AMZ1: variants seen among roughly 807,000 people sequenced by gnomAD.
The protein encoded by AMZ1 is archaemetzincin-1.
AMZ1 carries 39 observed loss-of-function variants against 29.9 expected under a neutral mutation model. That is an observed-to-expected ratio of 1.30 (90% confidence interval 1.01 to 1.70). The LOEUF is 1.70. Ranked by LOEUF, AMZ1 falls within the 40% of genes most tolerant of loss-of-function variation. The pLI is 0.00. For synonymous variants in AMZ1, 458 were observed against 304.0 expected (o/e 1.51, Z -5.27); for missense variants, 1,041 against 680.6 (o/e 1.53, Z -5.89).
At position 2,708,731 on chromosome 7, in the gene AMZ1, C is replaced by G; in HGVS notation, c.601+15C>G. ...TCCAGGGCACGGTGAGCCGGGGCCC[C>G]AGCAGCTGTGCGTGGGGGGTAGCCT... On this transcript the variant is annotated intron_variant, in intron 4 of 6. Coordinates refer to ENST00000683327, the MANE Select transcript of AMZ1 (RefSeq NM_001384743.1). The G allele has an allele frequency of 3.7e-6, 6 of 1,611,992 alleles. No homozygotes were observed. The highest frequency in any genetic ancestry group is 5.1e-6 in the Non-Finnish European group (6 of 1,179,972).
Position 2,737,269 on chromosome 7 carries a change from G to GTTTTTTTT in AMZ1, n.551-27439_551-27438insTTTTTTTT, listed in dbSNP as rs1317020597. 4.1e-3 allele frequency among the ~76,000 whole-genome samples: 155 copies of GTTTTTTTT among 38,120 alleles called. 16 individuals carry two copies. Among genetic ancestry groups the GTTTTTTTT allele is most frequent in the South Asian group, 7.0e-3 (9 of 1,284 alleles). 25.0% of individuals were successfully genotyped at this position (38,120 alleles called of 152,430 possible). A position where few individuals can be genotyped will look rare whatever the true frequency, so the allele number is the denominator to read the frequency against. ...CATTCAGGAGCTATCTCACAGTTTT[G>GTTTTTTTT]TTTTGTTTTTTTTTTTTTTGTTTTT... is the stretch of plus-strand genomic sequence containing the variant. On this transcript the variant is annotated intron_variant and non_coding_transcript_variant, in intron 4 of 4. Transcript: ENST00000489665.
intron 4 of AMZ1, chr7:2,728,399 G>A (rs1789718835): frequency 6.6e-6 from 1 of 152,042 alleles, no homozygotes; most frequent in Middle Eastern, 3.2e-3. Context: ...CAAAGAAGTA[G>A]GAAAATTACA....
At chr7:2,722,493 G>T (rs552636271), downstream of AMZ1, among the ~76,000 whole-genome samples, 2 of 152,082 alleles carry the variant, frequency 1.3e-5, no homozygotes, top group African/African-American at 4.8e-5. Flanking sequence ...GGATGGTGTC[G>T]ATCTCCTGAC....
At chr7:2,755,985 CT>C (rs1426557322) in intron 4 of AMZ1, among the ~76,000 whole-genome samples, 6 of 152,150 alleles carry the variant, frequency 3.9e-5, no homozygotes, top group Middle Eastern at 3.2e-3. Flanking sequence ...TAAAATTTAT[CT>C]CTTCAAAACA....
chr7:2,692,198 C>T (rs1360184608), intron 1 of AMZ1, among the ~76,000 whole-genome samples: 2 of 152,188 alleles, frequency 1.3e-5, no homozygotes. Flanking sequence ...TGGAGGAAGA[C>T]AGGTGGGACC....
At chr7:2,743,308 G>C (rs1188428800) in intron 4 of AMZ1, among the ~76,000 whole-genome samples, 1 of 152,192 alleles carries the variant, frequency 6.6e-6, no homozygotes, top group East Asian at 1.9e-4. Context: ...ATCAACATTA[G>C]ATGGATGAAC....
At chr7:2,749,578 G>A (rs933197998) in intron 4 of AMZ1, among the ~76,000 whole-genome samples, 7 of 151,970 alleles carry the variant, frequency 4.6e-5, no homozygotes, top group Admixed American at 1.3e-4. Flanking sequence ...GAGTTAATGG[G>A]TGCAGCACAC....
chr7:2,743,719 C>T (rs1012251579), intron 4 of AMZ1, among the ~76,000 whole-genome samples: 31 of 152,284 alleles, frequency 2.0e-4, no homozygotes, highest in South Asian at 6.2e-4. Flanking sequence ...CGAAGCAGGG[C>T]GAGGCACTGC....
At chr7:2,685,559 CA>C (rs56989894), upstream of AMZ1, among the ~76,000 whole-genome samples, 30,996 of 118,470 alleles carry the variant, frequency 0.26, 5,481 homozygotes, top group African/African-American at 0.53. Flanking sequence ...GACTCCGTCT[CA>C]AAAAAAAAAA....
At chr7:2,762,974 G>GA (rs1791638761), upstream of AMZ1, 19 of 1,351,934 alleles carry the variant, frequency 1.4e-5, no homozygotes, top group Non-Finnish European at 1.8e-5. Context: ...CTGCTCCTCA[G>GA]AAAGAGCCCT....
chr7:2,692,841 TTCCCCCAATCTCG>T (rs1365815361), intron 1 of AMZ1, among the ~76,000 whole-genome samples: 10 of 152,178 alleles, frequency 6.6e-5, no homozygotes, highest in Admixed American at 6.5e-4. Flanking sequence ...TGTCCCCATC[TTCCCCCAATCTCG>T]TCCCCTGTTC....
At chr7:2,684,879 T>TC, upstream of AMZ1, among the ~76,000 whole-genome samples, 1 of 150,330 alleles carries the variant, frequency 6.7e-6, no homozygotes, top group East Asian at 1.9e-4. Flanking sequence ...TTGCTTTTTT[T>TC]TTTTTTTTTT....
At chr7:2,694,898 C>G (rs181622238) in intron 1 of AMZ1, among the ~76,000 whole-genome samples, 78 of 152,268 alleles carry the variant, frequency 5.1e-4, no homozygotes, top group African/African-American at 1.7e-3. Flanking sequence ...GTCTCGAACT[C>G]CTGACCTCGA....
chr7:2,741,395 G>C (rs1346592905), intron 4 of AMZ1, among the ~76,000 whole-genome samples: 1 of 152,106 alleles, frequency 6.6e-6, no homozygotes, highest in Non-Finnish European at 1.5e-5. Context: ...GGCTAGGGGT[G>C]GGGAGAGCTC....
intron 4 of AMZ1, among the ~76,000 whole-genome samples, chr7:2,747,612 A>C (rs1284782048): frequency 1.3e-5 from 2 of 152,232 alleles, no homozygotes; most frequent in African/African-American, 4.8e-5. Flanking sequence ...AACTGGCACA[A>C]GACAGGGATG....
At chr7:2,735,330 G>A (rs1790113441) in intron 4 of AMZ1, among the ~76,000 whole-genome samples, 3 of 152,206 alleles carry the variant, frequency 2.0e-5, no homozygotes. Context: ...GCAGGTGGTG[G>A]CACCAGGCAC....
chr7:2,756,009 A>C (rs903394565), intron 4 of AMZ1, among the ~76,000 whole-genome samples: 4 of 152,352 alleles, frequency 2.6e-5, no homozygotes, highest in Middle Eastern at 3.4e-3. Context: ...ACAGAATAAC[A>C]AACCATTTTA....
rs902028885 is a variant in AMZ1 at position 2,748,968 on chromosome 7, T to C, written n.551-15744T>C. Reference sequence around the variant, plus strand: ...AATCAAAACCACAATGAGATGCCATTTCACACCAGTTAGAATGGTGATCAT... The same window carrying C: ...AATCAAAACCACAATGAGATGCCATCTCACACCAGTTAGAATGGTGATCAT... On this transcript the variant is annotated intron_variant and non_coding_transcript_variant, in intron 4 of 4. Transcript: ENST00000489665. Among the ~76,000 whole-genome samples, 35 of 152,286 alleles carry C rather than the reference T, an allele frequency of 2.3e-4. 2 individuals are homozygous for C. The highest frequency in any genetic ancestry group is 7.0e-4 in the African/African-American group (29 of 41,572).
At chr7:2,694,446 A>G (rs1280200272) in intron 1 of AMZ1, among the ~76,000 whole-genome samples, 1 of 152,116 alleles carries the variant, frequency 6.6e-6, no homozygotes, top group Non-Finnish European at 1.5e-5. Context: ...CTGTGAGCCA[A>G]TTCTCATAAT....
Sources: gnomAD v4.1 joint callset for allele counts (sites outside exome capture counted in the v4.1 genomes callset) on GRCh38, gnomAD v4.1.1 for gene constraint, MANE v1.5 for transcripts, NCBI Gene and HGNC (gene_info 2026-07-23, HGNC 2026-07-21) for gene names.